MCC: variants seen among roughly 807,000 people sequenced by gnomAD.
MCC encodes the protein MCC regulator of Wnt signaling pathway.
MCC carries 90 observed loss-of-function variants against 116.2 expected under a neutral mutation model. The ratio of observed to expected loss-of-function variants is 0.77; its 90% CI spans 0.65 to 0.92. MCC has a LOEUF of 0.92. Ranked by LOEUF, MCC falls within the 40% of genes least tolerant of loss-of-function variation. MCC has a pLI of 0.00. For missense variants in MCC, 1,516 were observed against 1,312.2 expected (o/e 1.16, Z -2.40); for synonymous variants, 578 against 510.5 (o/e 1.13, Z -1.78).
intron 3 of MCC, chr5:113,294,430 G>A: frequency 6.2e-7 from 1 of 1,613,098 alleles, no homozygotes. Context: ...AGGTCTCGGA[G>A]CTTAAGAGTT....
intron 11 of MCC, among the ~76,000 whole-genome samples, chr5:113,075,129 A>C (rs935441439): frequency 6.6e-6 from 1 of 152,186 alleles, no homozygotes; most frequent in African/African-American, 2.4e-5. Context: ...CCGCACTTGG[A>C]GCAGCCGGCT....
chr5:113,044,732 G>A (rs575189404), intron 16 of MCC, among the ~76,000 whole-genome samples: 4 of 152,194 alleles, frequency 2.6e-5, no homozygotes, highest in South Asian at 2.1e-4. Flanking sequence ...GTGCCACCAC[G>A]TCTGGCTAAT....
At chr5:113,329,965 C>T (rs913818531) in intron 3 of MCC, among the ~76,000 whole-genome samples, 2 of 152,168 alleles carry the variant, frequency 1.3e-5, no homozygotes, top group African/African-American at 4.8e-5. Flanking sequence ...GTGACTTTTG[C>T]CTCTGTCAAA....
At chr5:113,215,702 T>C (rs1581262774) in intron 3 of MCC, among the ~76,000 whole-genome samples, 2 of 152,198 alleles carry the variant, frequency 1.3e-5, no homozygotes, top group Non-Finnish European at 2.9e-5. Context: ...ACAATAAGCC[T>C]GCCGGCGCAA....
intron 3 of MCC, among the ~76,000 whole-genome samples, chr5:113,207,100 C>T (rs1398893636): frequency 6.6e-6 from 1 of 152,122 alleles, no homozygotes; most frequent in East Asian, 1.9e-4. Context: ...CAGTTTTTTC[C>T]AAAGAGCTGG....
At chr5:113,379,090 A>G (rs1239025469) in intron 2 of MCC, among the ~76,000 whole-genome samples, 16 of 152,192 alleles carry the variant, frequency 1.1e-4, no homozygotes, top group Admixed American at 1.0e-3. Flanking sequence ...TTGCCCTCAG[A>G]CCCTGCCTCA....
intron 3 of MCC, among the ~76,000 whole-genome samples, chr5:113,331,511 C>T (rs1279415167): frequency 6.6e-6 from 1 of 151,714 alleles, no homozygotes; most frequent in Non-Finnish European, 1.5e-5. Flanking sequence ...TGATCTGGGC[C>T]TCCATATCCC....
chr5:113,438,745 C>CA (rs1157868512), intron 1 of MCC, among the ~76,000 whole-genome samples: 1 of 152,176 alleles, frequency 6.6e-6, no homozygotes, highest in African/African-American at 2.4e-5. Context: ...CTAAGCACTA[C>CA]AGGGAAGCTA....
chr5:113,029,768 C>G (rs543863629), intron 17 of MCC, among the ~76,000 whole-genome samples: 8 of 152,326 alleles, frequency 5.3e-5, no homozygotes, highest in African/African-American at 1.4e-4. Context: ...CAGGGAAACA[C>G]TAATCAAAGC....
intron 3 of MCC, among the ~76,000 whole-genome samples, chr5:113,256,825 A>G (rs1296811814): frequency 1.3e-5 from 2 of 152,152 alleles, no homozygotes; most frequent in African/African-American, 4.8e-5. Context: ...GGTTAATGCC[A>G]ATTTTTGCTT....
At chr5:113,056,731 TA>T (rs11461704) in intron 14 of MCC, among the ~76,000 whole-genome samples, 11 of 148,552 alleles carry the variant, frequency 7.4e-5, no homozygotes, top group African/African-American at 4.9e-5. Flanking sequence ...AAAATAAAAG[TA>T]AAAAAAAAAT....
At chr5:113,053,668 G>A (rs1752627673) in intron 15 of MCC, 57 bp downstream of exon 15, 27 of 1,267,480 alleles carry the variant, frequency 2.1e-5, no homozygotes, top group Non-Finnish European at 3.0e-5. Context: ...GCTTTCAGAG[G>A]TTGTTTAGAT....
At chr5:113,213,701 C>T (rs550462868) in intron 3 of MCC, among the ~76,000 whole-genome samples, 13 of 152,258 alleles carry the variant, frequency 8.5e-5, no homozygotes, top group Admixed American at 3.9e-4. Context: ...CTCTACTTCC[C>T]TGTTTCTGAA....
intron 5 of MCC, among the ~76,000 whole-genome samples, chr5:113,133,922 C>T (rs544761844): frequency 7.6e-4 from 115 of 152,224 alleles, no homozygotes; most frequent in African/African-American, 1.7e-3. Context: ...TCAGATCTTT[C>T]GCTAATCTTT....
chr5:113,303,268 A>C (rs1455415105), intron 3 of MCC, among the ~76,000 whole-genome samples: 1 of 152,168 alleles, frequency 6.6e-6, no homozygotes, highest in Non-Finnish European at 1.5e-5. Flanking sequence ...GGTCATGAGA[A>C]CATATGAGGT....
At chr5:113,071,337 G>C (rs933420994) in intron 11 of MCC, 103 bp from the exon 12 acceptor site, 9 of 1,224,336 alleles carry the variant, frequency 7.4e-6, no homozygotes, top group Non-Finnish European at 1.0e-5. Context: ...GTGAGGATGT[G>C]GGCCTGTCAG....
intron 3 of MCC, 37 bp downstream of exon 3, chr5:113,340,482 G>T: frequency 1.3e-6 from 2 of 1,556,894 alleles, no homozygotes; most frequent in Non-Finnish European, 1.8e-6. Context: ...ATACAGACAG[G>T]CCGAAATATG....
intron 3 of MCC, among the ~76,000 whole-genome samples, chr5:113,301,474 GA>G (rs557478664): frequency 1.8e-3 from 234 of 133,174 alleles, no homozygotes; most frequent in Middle Eastern, 0.011. Context: ...TCAAACAAAA[GA>G]AAAAAAAAAA....
intron 8 of MCC, among the ~76,000 whole-genome samples, chr5:113,101,043 T>C (rs559481751): frequency 1.3e-5 from 2 of 152,280 alleles, no homozygotes; most frequent in Admixed American, 1.3e-4. Flanking sequence ...GCTTTAACAA[T>C]TCTGCCGAAC....
Sources: gnomAD v4.1 joint callset for allele counts (sites outside exome capture counted in the v4.1 genomes callset) on GRCh38, gnomAD v4.1.1 for gene constraint, MANE v1.5 for transcripts, NCBI Gene and HGNC (gene_info 2026-07-23, HGNC 2026-07-21) for gene names.